Variants in GBF1 observed in about 807,000 individuals in gnomAD.
GBF1 encodes golgi brefeldin A resistant guanine nucleotide exchange factor 1, also known as Golgi-specific brefeldin A-resistance guanine nucleotide exchange factor 1.
Under a neutral mutation model 210.5 loss-of-function variants are expected in GBF1, and 114 were observed. The observed-to-expected ratio is 0.54, with a 90% CI of 0.47 to 0.63. The LOEUF is 0.63. GBF1 is among the 30% of genes least tolerant of loss of function. GBF1 has a pLI of 0.00. For missense variants in GBF1, 1,851 were observed against 2,357.7 expected (o/e 0.79, Z 4.45); for synonymous variants, 850 against 889.2 (o/e 0.96, Z 0.78).
the GBF1 span, chr10:102,231,438 A>G: frequency 1.6e-6 from 1 of 633,750 alleles, no homozygotes; most frequent in East Asian, 2.7e-5. Flanking sequence ...GTTGGCGGGC[A>G]AGAGACCGCG....
In GBF1 at chr10:102,366,291, C is replaced by T. The variant is rs1025317262; in HGVS notation, c.2310-92C>T. The T allele has an allele frequency of 3.3e-5, 46 of 1,383,030 alleles. No individual in the cohort carries two copies. Among genetic ancestry groups the T allele is most frequent in the Admixed American group, 1.3e-4 (7 of 55,618 alleles). 85.7% of individuals were successfully genotyped at this position (1,383,030 alleles called of 1,614,324 possible). A position where few individuals can be genotyped will look rare whatever the true frequency, so the allele number is the denominator to read the frequency against. ...CTAGAGACCTCAGCCTCCTCTCTTC[C>T]AGTAAGAGTAGGTTAGGAGGACAGT... On this transcript the variant is annotated intron_variant, in intron 18 of 39. Coordinates refer to ENST00000369983, the MANE Select transcript of GBF1 (RefSeq NM_001377137.1). The surrounding 1 kb of genome is among the most constrained non-coding windows in gnomAD (Gnocchi z 4.0).
chr10:102,256,880 A>G (rs948510811), intron 1 of GBF1, among the ~76,000 whole-genome samples: 3 of 152,198 alleles, frequency 2.0e-5, no homozygotes, highest in Non-Finnish European at 2.9e-5. Flanking sequence ...CTCTACAAAA[A>G]GTACAAAAAT....
the GBF1 span, among the ~76,000 whole-genome samples, chr10:102,237,614 A>G: frequency 6.6e-6 from 1 of 152,172 alleles, no homozygotes; most frequent in South Asian, 2.1e-4. Flanking sequence ...CCAGTCAAAA[A>G]CAACATCTAC....
chr10:102,330,268 G>A (rs2057235612), intron 3 of GBF1, among the ~76,000 whole-genome samples: 1 of 152,034 alleles, frequency 6.6e-6, no homozygotes, highest in African/African-American at 2.4e-5. Flanking sequence ...TGTGACCTTG[G>A]GTAAGTCACT....
rs2060022414 is a variant in GBF1, at chr10:102,368,386, T to C, written c.2811T>C (p.Ala937=). 2 of 1,614,042 alleles carry C rather than the reference T, an allele frequency of 1.2e-6. No individual in the cohort carries two copies. The highest frequency in any genetic ancestry group is 4.5e-5 in the East Asian group (2 of 44,892). The change falls in exon 22 of 40, where the codon GCT becomes GCC. Residue 937 remains alanine (A), a synonymous_variant. Transcript: ENST00000369983. ...CCATGACCTGGGGCCCCACTATTGC[T>C]GCTCTCTCTTATGTCTTTGACAAAA... is the stretch of plus-strand genomic sequence containing the variant. ...LFTMTWGPTI[A]ALSYVFDKSL...
At chr10:102,249,407 C>T (rs1020584977) in intron 1 of GBF1, among the ~76,000 whole-genome samples, 1 of 152,176 alleles carries the variant, frequency 6.6e-6, no homozygotes, top group Non-Finnish European at 1.5e-5. Context: ...TTGAGATACT[C>T]TCAGAATCTC....
At chr10:102,301,368 T>C (rs111400176) in intron 3 of GBF1, among the ~76,000 whole-genome samples, 1,866 of 152,364 alleles carry the variant, frequency 0.012, 33 homozygotes, top group African/African-American at 0.043. Flanking sequence ...TGGAGTCTCC[T>C]GTGTCTACTT....
the GBF1 span, among the ~76,000 whole-genome samples, chr10:102,238,670 T>G: frequency 6.6e-6 from 1 of 152,228 alleles, no homozygotes; most frequent in Admixed American, 6.5e-5. Flanking sequence ...GCAGAGGGCC[T>G]TCACAGACAT....
intron 3 of GBF1, among the ~76,000 whole-genome samples, chr10:102,341,229 A>C (rs1486637649): frequency 6.6e-6 from 1 of 152,244 alleles, no homozygotes; most frequent in Non-Finnish European, 1.5e-5. Context: ...GTCATTAGAG[A>C]AATGCAAATT....
chr10:102,376,751 G>C lies in GBF1; in HGVS notation c.4239G>C (p.Glu1413Asp). ...CCCACATCACACCTGACAACTTTGA[G>C]CTCTGCGTCAAGACTCTCCGGATCT... The part of the protein sequence containing the change: ...DAAHITPDNF[E>D]LCVKTLRIFV... The change falls in exon 32 of 40, where the codon GAG (glutamate) becomes GAC (aspartate). Residue 1413 changes from glutamate to aspartate, a missense_variant. Coordinates refer to ENST00000369983, the MANE Select transcript of GBF1 (RefSeq NM_001377137.1). The C allele has an allele frequency of 6.2e-7, 1 of 1,610,296 alleles. No individual in the cohort carries two copies. The highest frequency in any genetic ancestry group is 8.5e-7 in the Non-Finnish European group (1 of 1,179,958).
intron 8 of GBF1, among the ~76,000 whole-genome samples, chr10:102,357,039 C>A (rs2059332335): frequency 6.6e-6 from 1 of 152,104 alleles, no homozygotes; most frequent in Admixed American, 6.6e-5. Context: ...GACAGGTAGT[C>A]TCATTGATAT....
chr10:102,380,155 C>G lies in GBF1; in HGVS notation c.4879-94C>G, dbSNP rs570601855. Reference sequence around the variant, plus strand: ...TCCTCCATCTCTGATCTAAGATTCTCATGCAAGATAGGACAGGCTTAGCTA... The same window carrying G: ...TCCTCCATCTCTGATCTAAGATTCTGATGCAAGATAGGACAGGCTTAGCTA... On this transcript the variant is annotated intron_variant, in intron 36 of 39. Transcript: ENST00000369983. 3 of 839,562 alleles carry G rather than the reference C, an allele frequency of 3.6e-6. No individual in the cohort carries two copies. In the African/African-American group the frequency reaches 5.0e-5, roughly 14 times the overall value. The allele number at this position is 839,562 out of a possible 1,614,324, so 52.0% of individuals were successfully genotyped here.
In GBF1 at chr10:102,370,387, C is replaced by G. The variant is rs1009970786; in HGVS notation, c.3415C>G (p.Leu1139Val). 8 of 1,607,984 alleles carry G rather than the reference C, an allele frequency of 5.0e-6. No homozygotes were observed. Among genetic ancestry groups the G allele is most frequent in the Non-Finnish European group, 6.0e-6 (7 of 1,174,334 alleles). Residue 1139 changes from leucine (L) to valine (V), a missense_variant, in exon 28 of 40, where the codon CTG (leucine) becomes GTG (valine). Leu to Val is a conservative substitution (Grantham distance 32, BLOSUM62 1). Coordinates refer to ENST00000369983, the MANE Select transcript of GBF1 (RefSeq NM_001377137.1). ...TCCTGCTGCTGTTCCCCTTCAGGCT[C>G]TGGTCTCAGTGACACCAGATGAAGA... The part of the protein sequence containing the change: ...LESLQELMKA[L>V]VSVTPDEETY...
At chr10:102,357,307 T>C (rs2059348011) in intron 8 of GBF1, among the ~76,000 whole-genome samples, 1 of 151,894 alleles carries the variant, frequency 6.6e-6, no homozygotes, top group Non-Finnish European at 1.5e-5. Flanking sequence ...GCCAACATAG[T>C]GAAACCCTGT....
At chr10:102,278,094 A>G (rs2075152136) in intron 3 of GBF1, among the ~76,000 whole-genome samples, 1 of 151,960 alleles carries the variant, frequency 6.6e-6, no homozygotes, top group Non-Finnish European at 1.5e-5. Context: ...TCATTGCTTC[A>G]AAAAATAAAA....
At chr10:102,239,312 T>C in the GBF1 span, among the ~76,000 whole-genome samples, 1 of 152,238 alleles carries the variant, frequency 6.6e-6, no homozygotes, top group African/African-American at 2.4e-5. Context: ...TACCACCTCT[T>C]TGGCCTTTTT....
chr10:102,232,015 G>A, the GBF1 span: 5 of 1,609,440 alleles, frequency 3.1e-6, no homozygotes, highest in Non-Finnish European at 3.4e-6. Flanking sequence ...GGTGCGGAGT[G>A]CCAGCGTCTG....
intron 1 of GBF1, among the ~76,000 whole-genome samples, chr10:102,247,647 T>A (rs1358060826): frequency 6.6e-6 from 1 of 152,120 alleles, no homozygotes; most frequent in African/African-American, 2.4e-5. Context: ...TTCTCTCTCT[T>A]TCTTTTTTTT....
At chr10:102,244,513 G>C (rs2070660028), upstream of GBF1, among the ~76,000 whole-genome samples, 1 of 152,172 alleles carries the variant, frequency 6.6e-6, no homozygotes, top group Non-Finnish European at 1.5e-5. Flanking sequence ...AGGGGAGGAG[G>C]CAGCTGGGGG....
Sources: gnomAD v4.1 joint callset for allele counts (sites outside exome capture counted in the v4.1 genomes callset) on GRCh38, gnomAD v4.1.1 for gene constraint, Gnocchi (gnomAD v3.1) non-coding constraint, MANE v1.5 for transcripts, NCBI Gene and HGNC (gene_info 2026-07-23, HGNC 2026-07-21) for gene names.